FAM186B: variants seen among roughly 807,000 people sequenced by gnomAD.
FAM186B encodes the protein protein FAM186B.
Under a neutral mutation model 83.4 loss-of-function variants are expected in FAM186B, and 68 were observed. The observed-to-expected ratio is 0.81, with a 90% CI of 0.67 to 1.00. The LOEUF is 1.00. Ranked by LOEUF, FAM186B falls within the 50% of genes least tolerant of loss-of-function variation. FAM186B has a pLI of 0.00. For missense variants in FAM186B, 983 were observed against 1,099.2 expected (o/e 0.89, Z 1.49); for synonymous variants, 389 against 422.0 (o/e 0.92, Z 0.96).
chr12:49,591,547 G>A (rs577431881), intron 5 of FAM186B, among the ~76,000 whole-genome samples: 2 of 152,290 alleles, frequency 1.3e-5, no homozygotes, highest in Non-Finnish European at 2.9e-5. Context: ...TGTGAGAAAT[G>A]TTAAAGGAAT....
At chr12:49,605,244 C>T (rs980006755) in intron 1 of FAM186B, 138 bp downstream of exon 1, 1 of 1,507,444 alleles carries the variant, frequency 6.6e-7, no homozygotes, top group Admixed American at 2.1e-5. Flanking sequence ...TTATACTAAT[C>T]TGTCTGCAGA....
At chr12:49,604,663 G>A (rs1214061199) in intron 1 of FAM186B, 125 bp from the exon 2 acceptor site, 1 of 690,006 alleles carries the variant, frequency 1.4e-6, no homozygotes, top group East Asian at 2.7e-5. Flanking sequence ...TATTTAAAGT[G>A]GGAATCATTA....
chr12:49,597,024 A>G lies in FAM186B; in HGVS notation c.2364+1731T>C, dbSNP rs143719720. Among the ~76,000 whole-genome samples, 162 of 152,342 alleles carry G rather than the reference A, an allele frequency of 1.1e-3. 1 individual carries two copies. The highest frequency in any genetic ancestry group is 3.6e-3 in the African/African-American group (149 of 41,578). On this transcript the variant is annotated intron_variant, in intron 5 of 6. Coordinates refer to ENST00000257894, the MANE Select transcript of FAM186B (RefSeq NM_032130.3). ...TCTTTACTGTACTTTTTCTATGTTT[A>G]GATAACACAAATATTCACCATTGTG...
At chr12:49,585,499 AATCTC>A (rs980651174), downstream of FAM186B, among the ~76,000 whole-genome samples, 2 of 152,252 alleles carry the variant, frequency 1.3e-5, no homozygotes, top group African/African-American at 4.8e-5. Context: ...AGCTGAAAAA[AATCTC>A]AGAGAAGGGG....
At chr12:49,599,092 G>C in intron 4 of FAM186B, 145 bp from the exon 5 acceptor site, 1 of 829,158 alleles carries the variant, frequency 1.2e-6, no homozygotes, top group Non-Finnish European at 1.8e-6. Context: ...AAATGGGGCA[G>C]AGAAAAGTGG....
chr12:49,607,616 C>T (rs554277192), upstream of FAM186B, among the ~76,000 whole-genome samples: 5 of 152,096 alleles, frequency 3.3e-5, no homozygotes, highest in African/African-American at 7.2e-5. Flanking sequence ...AAAAAAGATA[C>T]GGTTCTATAA....
At chr12:49,588,033 G>A (rs1363544421) in intron 6 of FAM186B, among the ~76,000 whole-genome samples, 1 of 152,230 alleles carries the variant, frequency 6.6e-6, no homozygotes, top group African/African-American at 2.4e-5. Context: ...GCAAGGGTAG[G>A]TGTGGACCAG....
downstream of FAM186B, chr12:49,584,323 G>C: frequency 1.7e-6 from 1 of 583,474 alleles, no homozygotes; most frequent in South Asian, 2.1e-5. Flanking sequence ...TAGAGTTTGG[G>C]GACTGCAGGA....
intron 1 of FAM186B, 173 bp downstream of exon 1, chr12:49,605,209 A>G: frequency 6.9e-7 from 1 of 1,444,086 alleles, no homozygotes; most frequent in Non-Finnish European, 9.1e-7. Flanking sequence ...CACCCTGTAT[A>G]TGCCAAGTTT....
chr12:49,607,864 T>C (rs937728129), upstream of FAM186B, among the ~76,000 whole-genome samples: 1 of 151,918 alleles, frequency 6.6e-6, no homozygotes, highest in African/African-American at 2.4e-5. Context: ...CACGCGCAGC[T>C]AATTTTTGTA....
chr12:49,612,114 AG>A, the FAM186B span, among the ~76,000 whole-genome samples: 1 of 152,194 alleles, frequency 6.6e-6, no homozygotes, highest in East Asian at 1.9e-4. Flanking sequence ...ACTTCATGAT[AG>A]GATCAAAATC....
intron 2 of FAM186B, 144 bp downstream of exon 2, chr12:49,604,169 C>A: frequency 1.6e-6 from 1 of 642,222 alleles, no homozygotes. Flanking sequence ...TCTGTGTCTG[C>A]CCCTCAGGAG....
At chr12:49,592,199 T>G (rs1939595928) in intron 5 of FAM186B, among the ~76,000 whole-genome samples, 1 of 152,246 alleles carries the variant, frequency 6.6e-6, no homozygotes, top group East Asian at 1.9e-4. Context: ...AACCCTAGAG[T>G]GCAGTGGCTC....
upstream of FAM186B, among the ~76,000 whole-genome samples, chr12:49,608,710 G>T (rs547017493): frequency 3.3e-3 from 503 of 151,774 alleles, 3 homozygotes; most frequent in Non-Finnish European, 5.6e-3. Flanking sequence ...ATGGCATTTG[G>T]CTCATAAAAG....
In FAM186B at chr12:49,601,028, G is replaced by A; in HGVS notation, c.612C>T (p.Thr204=). The stretch of plus-strand genomic sequence containing the variant: ...TCACCTCCGAGGCCTTCGTGTTCAT[G>A]GTATGCTGGTCCTGGAGCATCTGTT... The part of the protein sequence containing the change: ...SPEQMLQDQH[T]MNTKASEVTS... The change falls in exon 4 of 7, where the codon ACC becomes ACT. Residue 204 remains threonine, a synonymous_variant. Transcript: ENST00000257894. 1.9e-6 allele frequency: 3 copies of A among 1,614,196 alleles called. No individual in the cohort carries two copies. Among genetic ancestry groups the A allele is most frequent in the Non-Finnish European group, 2.5e-6 (3 of 1,180,028 alleles).
At chr12:49,603,053 C>T in intron 3 of FAM186B, 132 bp downstream of exon 3, 1 of 953,840 alleles carries the variant, frequency 1.0e-6, no homozygotes, top group Non-Finnish European at 1.6e-6. Context: ...CTCACCACTG[C>T]CCATCCATCT....
intron 5 of FAM186B, among the ~76,000 whole-genome samples, chr12:49,589,022 C>T (rs142975959): frequency 1.3e-4 from 20 of 152,322 alleles, no homozygotes; most frequent in Non-Finnish European, 2.8e-4. Context: ...GGGTGAGGAG[C>T]TGGGGGAACC....
chr12:49,584,762 G>T (rs769749989), downstream of FAM186B: 3 of 609,316 alleles, frequency 4.9e-6, no homozygotes, highest in Non-Finnish European at 8.8e-6. Flanking sequence ...TCAACACAAC[G>T]TCCTCCCAAG....
At chr12:49,595,654 C>A in intron 5 of FAM186B, 1 of 427,600 alleles carries the variant, frequency 2.3e-6, no homozygotes, top group Non-Finnish European at 4.7e-6. Context: ...AAGGAGATGG[C>A]AGCTCAAGTG....
Sources: gnomAD v4.1 joint callset for allele counts (sites outside exome capture counted in the v4.1 genomes callset) on GRCh38, gnomAD v4.1.1 for gene constraint, MANE v1.5 for transcripts, NCBI Gene and HGNC (gene_info 2026-07-23, HGNC 2026-07-21) for gene names.